Variants in SNX29 observed in about 807,000 individuals in gnomAD.
The protein encoded by SNX29 is sorting nexin 29.
In SNX29, 78 loss-of-function variants were observed where a neutral mutation model predicts 102.1. The observed-to-expected ratio is 0.76, with a 90% CI of 0.64 to 0.92. The LOEUF (loss-of-function observed/expected upper bound fraction) is 0.92, where lower values mean the gene tolerates loss of function less well. SNX29 is among the 40% of genes least tolerant of loss of function. The pLI is 0.00. For synonymous variants in SNX29, 580 were observed against 414.5 expected, an observed-to-expected ratio of 1.40 and a Z score of -4.85; for missense variants, 1,280 against 1,061.7, an observed-to-expected ratio of 1.21 and a Z score of -2.86.
chr16:12,268,385 A>G (rs2034755914), intron 14 of SNX29, among the ~76,000 whole-genome samples: 1 of 152,180 alleles, frequency 6.6e-6, no homozygotes, highest in African/African-American at 2.4e-5. Flanking sequence ...ACCCCTGCTA[A>G]GCGGTAGAGC....
intron 18 of SNX29, among the ~76,000 whole-genome samples, chr16:12,426,221 C>A (rs560674692): frequency 4.7e-4 from 72 of 152,128 alleles, no homozygotes; most frequent in Non-Finnish European, 9.0e-4. Flanking sequence ...TCATCTGTTT[C>A]CCACTCATGC....
chr16:12,322,542 C>G (rs978803908), intron 15 of SNX29, among the ~76,000 whole-genome samples: 1 of 152,118 alleles, frequency 6.6e-6, no homozygotes, highest in Non-Finnish European at 1.5e-5. Context: ...ATATACAAAA[C>G]AAAAATCAGG....
intron 14 of SNX29, among the ~76,000 whole-genome samples, chr16:12,236,909 A>G (rs556751434): frequency 3.3e-5 from 5 of 152,320 alleles, no homozygotes; most frequent in African/African-American, 9.6e-5. Context: ...AAGGTCAGCA[A>G]GTCGGTGCTG....
At chr16:12,161,336 C>T (rs545819290) in intron 13 of SNX29, among the ~76,000 whole-genome samples, 6 of 152,182 alleles carry the variant, frequency 3.9e-5, no homozygotes, top group African/African-American at 1.4e-4. Flanking sequence ...CGAGGTTCCC[C>T]GACCTCTGAC....
intron 13 of SNX29, among the ~76,000 whole-genome samples, chr16:12,179,541 A>G (rs1355712782): frequency 6.6e-6 from 1 of 152,222 alleles, no homozygotes; most frequent in Admixed American, 6.5e-5. Context: ...GAAAATATTC[A>G]TTTTAAATCT....
rs181667950 is a variant in SNX29, at chr16:12,544,470, C to T, written c.2318+19629C>T. On this transcript the variant is annotated intron_variant, in intron 20 of 20. Transcript: ENST00000566228. ...CTACCCTATCTCATTCTGAAGAGGC[C>T]GATTTTATGATTGGGGTCGGCTGGG... Among the ~76,000 whole-genome samples, 295 of 152,162 alleles carry T rather than the reference C, an allele frequency of 1.9e-3. 1 individual carries two copies. Among genetic ancestry groups the T allele is most frequent in the African/African-American group, 6.8e-3 (280 of 41,480 alleles).
At chr16:12,455,562 T>C (rs2086500498) in intron 18 of SNX29, among the ~76,000 whole-genome samples, 1 of 152,250 alleles carries the variant, frequency 6.6e-6, no homozygotes, top group Non-Finnish European at 1.5e-5. Context: ...TCCCGGGACC[T>C]ACCTGTTTCT....
At chr16:12,067,987 T>C (rs1213181535) in intron 9 of SNX29, among the ~76,000 whole-genome samples, 1 of 144,962 alleles carries the variant, frequency 6.9e-6, no homozygotes, top group Non-Finnish European at 1.5e-5. Context: ...TAAATGCACT[T>C]AATGCAGGGA....
intron 20 of SNX29, among the ~76,000 whole-genome samples, chr16:12,562,612 G>A (rs1462233285): frequency 6.6e-6 from 1 of 152,186 alleles, no homozygotes; most frequent in East Asian, 1.9e-4. Flanking sequence ...GCTGGCTCTT[G>A]AGAGCTACAG....
chr16:12,474,615 A>C (rs1244175181), intron 18 of SNX29, among the ~76,000 whole-genome samples: 1 of 152,240 alleles, frequency 6.6e-6, no homozygotes, highest in Non-Finnish European at 1.5e-5. Flanking sequence ...TTTATCACTC[A>C]CAGGAGAGAG....
Position 12,334,664 on chromosome 16 carries a change from T to C in SNX29, c.1783-21499T>C, listed in dbSNP as rs1367666256. On this transcript the variant is annotated intron_variant, in intron 15 of 20. Transcript: ENST00000566228. ...TTGAATTTATTGACAATGCTGAACA[T>C]TCGGGCCATTTCCCATAAAGCTCAC... is the stretch of plus-strand genomic sequence containing the variant. Among the ~76,000 whole-genome samples, 3 of 152,308 alleles carry C rather than the reference T, an allele frequency of 2.0e-5. No individual in the cohort carries two copies. The South Asian group carries it at 6.2e-4, about 32-fold the overall frequency.
chr16:12,447,740 C>G (rs1223571846), intron 18 of SNX29, among the ~76,000 whole-genome samples: 1 of 152,174 alleles, frequency 6.6e-6, no homozygotes, highest in East Asian at 1.9e-4. Flanking sequence ...TTTTTCAAAG[C>G]TCTCTCCTGA....
chr16:12,568,020 C>T (rs566122361), intron 20 of SNX29, among the ~76,000 whole-genome samples: 2 of 152,302 alleles, frequency 1.3e-5, no homozygotes, highest in South Asian at 2.1e-4. Flanking sequence ...GCCAAACAAC[C>T]TTTTAACTAG....
chr16:12,540,070 T>A (rs998221699), intron 20 of SNX29, among the ~76,000 whole-genome samples: 1 of 152,246 alleles, frequency 6.6e-6, no homozygotes, highest in Non-Finnish European at 1.5e-5. Context: ...ATGCTTTTGG[T>A]GTCATGTCTA....
At chr16:12,051,749 G>T (rs2050312022) in intron 7 of SNX29, 98 bp from the exon 8 acceptor site, 3 of 1,490,430 alleles carry the variant, frequency 2.0e-6, no homozygotes, top group Non-Finnish European at 2.7e-6. Flanking sequence ...TTTCTCACTC[G>T]AATAGTATTT....
intron 12 of SNX29, 21 bp downstream of exon 12, chr16:12,126,717 G>C: frequency 3.1e-6 from 5 of 1,613,136 alleles, no homozygotes; most frequent in Non-Finnish European, 4.2e-6. Flanking sequence ...TTTCAGGCTT[G>C]AGGAATAGCC....
intron 20 of SNX29, among the ~76,000 whole-genome samples, chr16:12,564,480 C>T (rs1242992713): frequency 1.3e-5 from 2 of 152,180 alleles, no homozygotes; most frequent in South Asian, 2.1e-4. Flanking sequence ...GATCTTTCTC[C>T]AAGGTCTAGA....
At chr16:12,085,920 T>C (rs1354848469) in intron 11 of SNX29, among the ~76,000 whole-genome samples, 2 of 152,152 alleles carry the variant, frequency 1.3e-5, no homozygotes. Flanking sequence ...GCACCTACTG[T>C]GTGCCAGACA....
chr16:12,358,779 C>G (rs1238914104), intron 16 of SNX29, among the ~76,000 whole-genome samples: 2 of 152,158 alleles, frequency 1.3e-5, no homozygotes, highest in Non-Finnish European at 2.9e-5. Context: ...CGTTGTTAAT[C>G]TTGATTATCC....
Sources: gnomAD v4.1 joint callset for allele counts (sites outside exome capture counted in the v4.1 genomes callset) on GRCh38, gnomAD v4.1.1 for gene constraint, MANE v1.5 for transcripts, NCBI Gene and HGNC (gene_info 2026-07-23, HGNC 2026-07-21) for gene names.